The following XKR9 variants were observed in gnomAD, a reference collection of about 807,000 sequenced individuals.
XKR9 encodes XK-related protein 9.
In XKR9, 32 loss-of-function variants were observed where a neutral mutation model predicts 32.0. The observed-to-expected ratio is 1.00, with a 90% CI of 0.76 to 1.34. The LOEUF is 1.34. Ranked by LOEUF, XKR9 falls within the 40% of genes most tolerant of loss-of-function variation. The pLI is 0.00. For missense variants in XKR9, 546 were observed against 429.7 expected (o/e 1.27, Z -2.39); for synonymous variants, 168 against 143.4 (o/e 1.17, Z -1.22).
At chr8:70,678,261 T>G (rs1818946348) in intron 2 of XKR9, 1 of 152,228 alleles carries the variant, frequency 6.6e-6, no homozygotes, top group African/African-American at 2.4e-5. Context: ...CCTTCTAATA[T>G]ATTTGATTTA....
chr8:70,951,869 G>C, the XKR9 span, among the ~76,000 whole-genome samples: 10 of 100,592 alleles, frequency 9.9e-5, no homozygotes, highest in Non-Finnish European at 1.4e-4. Flanking sequence ...AGCATCATTG[G>C]GGGGGGGGTG....
At chr8:70,793,621 A>G (rs1247102224), downstream of XKR9, among the ~76,000 whole-genome samples, 1 of 152,180 alleles carries the variant, frequency 6.6e-6, no homozygotes, top group African/African-American at 2.4e-5. Flanking sequence ...AAGCAACAGA[A>G]GATGGACTAT....
chr8:71,005,486 A>T, the XKR9 span, among the ~76,000 whole-genome samples: 1 of 151,952 alleles, frequency 6.6e-6, no homozygotes, highest in Non-Finnish European at 1.5e-5. Flanking sequence ...AGCTTCCCGA[A>T]GTACTGGGAT....
chr8:70,799,664 G>T, the XKR9 span, among the ~76,000 whole-genome samples: 1 of 151,948 alleles, frequency 6.6e-6, no homozygotes, highest in Non-Finnish European at 1.5e-5. Context: ...TCTCAGTTTG[G>T]TTGTTGTTGG....
At chr8:70,882,118 G>T in the XKR9 span, among the ~76,000 whole-genome samples, 1 of 151,998 alleles carries the variant, frequency 6.6e-6, no homozygotes, top group African/African-American at 2.4e-5. Context: ...TGTTGGTGGT[G>T]GGGGGCTGGG....
chr8:71,006,312 A>G, the XKR9 span, among the ~76,000 whole-genome samples: 1 of 146,442 alleles, frequency 6.8e-6, no homozygotes, highest in Non-Finnish European at 1.5e-5. Flanking sequence ...ACTTTCTTAA[A>G]ACATTACGAT....
downstream of XKR9, among the ~76,000 whole-genome samples, chr8:70,794,229 T>C (rs950570300): frequency 2.6e-5 from 4 of 152,150 alleles, no homozygotes; most frequent in African/African-American, 9.6e-5. Flanking sequence ...GCTGAACTCA[T>C]TTATTAGTTC....
chr8:70,773,054 C>T (rs916537435), intron 2 of XKR9, among the ~76,000 whole-genome samples: 3 of 152,038 alleles, frequency 2.0e-5, no homozygotes, highest in Non-Finnish European at 4.4e-5. Context: ...TTGTGATAAA[C>T]ATATTATATA....
chr8:70,718,877 T>C (rs1189393874), intron 4 of XKR9, among the ~76,000 whole-genome samples: 1 of 152,210 alleles, frequency 6.6e-6, no homozygotes, highest in East Asian at 1.9e-4. Context: ...TAGTTCTAGA[T>C]CCTTGAGGAA....
At chr8:70,981,845 A>G in the XKR9 span, among the ~76,000 whole-genome samples, 1 of 152,292 alleles carries the variant, frequency 6.6e-6, no homozygotes, top group African/African-American at 2.4e-5. Flanking sequence ...CCTTGATATG[A>G]TGTTCTCTCC....
chr8:71,048,672 G>C, the XKR9 span, among the ~76,000 whole-genome samples: 4 of 152,218 alleles, frequency 2.6e-5, no homozygotes, highest in East Asian at 7.7e-4. Context: ...ATACAATTTT[G>C]ATTCTTAGAA....
rs149187374 is a variant in XKR9 at position 70,674,118 on chromosome 8, A to G, written c.-360-700A>G. Among the ~76,000 whole-genome samples, 12 of 151,086 alleles carry G rather than the reference A, an allele frequency of 7.9e-5. No homozygotes were observed. In the East Asian group the frequency reaches 2.4e-3, roughly 30 times the overall value. On this transcript the variant is annotated intron_variant, in intron 1 of 4. Transcript: ENST00000408926. ...CAGGAGTTCGAGGTTATAGTGAGCT[A>G]TGATTGTGCCACTGCACTCCAGCCT...
chr8:70,842,128 A>G, the XKR9 span, among the ~76,000 whole-genome samples: 1 of 152,062 alleles, frequency 6.6e-6, no homozygotes, highest in Non-Finnish European at 1.5e-5. Context: ...CTCTCTTTTT[A>G]CTTACTGATT....
At chr8:70,823,565 T>A in the XKR9 span, among the ~76,000 whole-genome samples, 2 of 152,232 alleles carry the variant, frequency 1.3e-5, no homozygotes, top group South Asian at 4.1e-4. Flanking sequence ...CTGATAGGAA[T>A]GACATACAAT....
At chr8:70,717,285 T>C (rs1806124648) in intron 4 of XKR9, among the ~76,000 whole-genome samples, 1 of 152,176 alleles carries the variant, frequency 6.6e-6, no homozygotes, top group African/African-American at 2.4e-5. Flanking sequence ...GTGGGGACTC[T>C]GTGTGTGAGC....
At chr8:70,705,021 A>C (rs1256655559) in intron 3 of XKR9, among the ~76,000 whole-genome samples, 1 of 152,146 alleles carries the variant, frequency 6.6e-6, no homozygotes, top group Non-Finnish European at 1.5e-5. Context: ...GTTATTCCAG[A>C]ACTGTGATGG....
At chr8:70,825,115 TTGAC>T in the XKR9 span, among the ~76,000 whole-genome samples, 3 of 152,190 alleles carry the variant, frequency 2.0e-5, no homozygotes, top group Non-Finnish European at 2.9e-5. Context: ...GTTCTGATCT[TTGAC>T]TGAAGTTTTT....
chr8:70,813,613 C>T, the XKR9 span, among the ~76,000 whole-genome samples: 4 of 152,140 alleles, frequency 2.6e-5, no homozygotes, highest in Non-Finnish European at 4.4e-5. Flanking sequence ...CAAACAACCC[C>T]ATCAACAAGT....
At chr8:70,933,403 T>C in the XKR9 span, among the ~76,000 whole-genome samples, 2 of 151,940 alleles carry the variant, frequency 1.3e-5, 1 homozygote, top group East Asian at 3.9e-4. Context: ...TGGAAGAGAA[T>C]GTAGTCAGAG....
Sources: allele counts gnomAD v4.1 joint callset (sites outside exome capture counted in the v4.1 genomes callset), GRCh38; gene constraint gnomAD v4.1.1; transcripts MANE v1.5; gene names NCBI Gene and HGNC (gene_info 2026-07-23, HGNC 2026-07-21).